The following IRX3 variants were observed in gnomAD, a reference collection of about 807,000 sequenced individuals.
IRX3 encodes the protein iroquois-class homeodomain protein IRX-3.
Under a neutral mutation model 36.4 loss-of-function variants are expected in IRX3, and 20 were observed. That is an observed-to-expected ratio of 0.55 (90% confidence interval 0.39 to 0.80). The LOEUF is 0.80. Among genes scored for constraint, IRX3 ranks in the 30% least tolerant of loss-of-function variants. The pLI is 0.00. For synonymous variants in IRX3, 404 were observed against 351.6 expected (o/e 1.15, Z -1.67); for missense variants, 718 against 733.2 (o/e 0.98, Z 0.24).
rs773005122 is a variant in IRX3 at position 54,285,347 on chromosome 16, G to C, written c.534C>G (p.Phe178Leu). ...TCTTGAGGCGCCGGCGCGCGTTGGC[G>C]AACCAGGTGGACACCTGGGTGAGGG... Reference protein sequence around the residue: ...KMTLTQVSTWFANARRRLKKE... With the variant: ...KMTLTQVSTWLANARRRLKKE... The change falls in exon 2 of 4, where the codon TTC becomes TTG. Residue 178 changes from phenylalanine to leucine, a missense_variant. Coordinates refer to ENST00000329734, the MANE Select transcript of IRX3 (RefSeq NM_024336.3). The surrounding 1 kb of genome is among the most constrained non-coding windows in gnomAD (Gnocchi z 5.7). 6.2e-7 allele frequency: 1 copy of C among 1,614,208 alleles called. No homozygotes were observed.
In IRX3 at chr16:54,283,724, C is replaced by G. The variant is rs1901233703; in HGVS notation, c.1468G>C (p.Asp490His). 6.5e-7 allele frequency: 1 copy of G among 1,547,124 alleles called. No homozygotes were observed. Among genetic ancestry groups the G allele is most frequent in the South Asian group, 1.1e-5 (1 of 89,696 alleles). Residue 490 changes from aspartate (D) to histidine (H), a missense_variant, in exon 4 of 4, where the codon GAC (aspartate) becomes CAC (histidine). Coordinates refer to ENST00000329734, the MANE Select transcript of IRX3 (RefSeq NM_024336.3). The surrounding 1 kb of genome is among the most constrained non-coding windows in gnomAD (Gnocchi z 4.4). ...PVPRRPQNHL[D>H]AALVLSALSS... ...AGAGCCGATAAGACCAGGGCGGCGT[C>G]CAGATGGTTCTGGGGCCTGGAAGAG... is the stretch of plus-strand genomic sequence containing the variant.
chr16:54,283,445 C>T lies in IRX3; in HGVS notation c.*241G>A. 2 of 450,002 alleles carry T rather than the reference C, an allele frequency of 4.4e-6. No homozygotes were observed. Among genetic ancestry groups the T allele is most frequent in the South Asian group, 2.6e-5 (1 of 38,252 alleles). The allele number at this position is 450,002 out of a possible 1,614,324, so 27.9% of individuals were successfully genotyped here. On this transcript the variant is annotated 3_prime_UTR_variant, in exon 4 of 4. Coordinates refer to ENST00000329734, the MANE Select transcript of IRX3 (RefSeq NM_024336.3). The surrounding 1 kb of genome is among the most constrained non-coding windows in gnomAD (Gnocchi z 4.4). ...ACGTTTATTCTCACTGAAACTCCAC[C>T]CCCCAAAATCAACCGGACAAACAAA...
Position 54,283,679 on chromosome 16 carries a change from T to A in IRX3, c.*7A>T, listed in dbSNP as rs1394038164. 1.7e-5 allele frequency: 22 copies of A among 1,265,470 alleles called. No homozygotes were observed. Among genetic ancestry groups the A allele is most frequent in the Admixed American group, 5.4e-5 (3 of 55,472 alleles). 78.4% of individuals were successfully genotyped at this position (1,265,470 alleles called of 1,614,324 possible). A position where few individuals can be genotyped will look rare whatever the true frequency, so the allele number is the denominator to read the frequency against. ...GTTTTTTTTGTTTTTTTGTTTTTTT[T>A]AAAGAACTAGGATGAGGAGAGAGCC... On this transcript the variant is annotated 3_prime_UTR_variant, in exon 4 of 4. Coordinates refer to ENST00000329734, the MANE Select transcript of IRX3 (RefSeq NM_024336.3). This position sits in a 1 kb window ranked among gnomAD's most constrained non-coding sequence, Gnocchi z 4.4.
Position 54,283,398 on chromosome 16 carries a change from A to C in IRX3, c.*288T>G, listed in dbSNP as rs1442485232. ...CACATATGTACATTTCTCTGTATATATACACACACACAAAGGCAGACACGT... is the reference window on the plus strand; with the variant it reads ...CACATATGTACATTTCTCTGTATATCTACACACACACAAAGGCAGACACGT... On this transcript the variant is annotated 3_prime_UTR_variant, in exon 4 of 4. Coordinates refer to ENST00000329734, the MANE Select transcript of IRX3 (RefSeq NM_024336.3). The surrounding 1 kb of genome is among the most constrained non-coding windows in gnomAD (Gnocchi z 4.4). 1 of 357,486 alleles carries C rather than the reference A, an allele frequency of 2.8e-6. No homozygotes were observed. Among genetic ancestry groups the C allele is most frequent in the African/African-American group, 2.1e-5 (1 of 48,516 alleles). 22.1% of individuals were successfully genotyped at this position (357,486 alleles called of 1,614,324 possible). A position where few individuals can be genotyped will look rare whatever the true frequency, so the allele number is the denominator to read the frequency against.
rs900680954 is a variant in IRX3 at position 54,283,643 on chromosome 16, G to C, written c.*43C>G. On this transcript the variant is annotated 3_prime_UTR_variant, in exon 4 of 4. Coordinates refer to ENST00000329734, the MANE Select transcript of IRX3 (RefSeq NM_024336.3). This position sits in a 1 kb window ranked among gnomAD's most constrained non-coding sequence, Gnocchi z 4.4. ...ATTTTTTTTATACAATTATTACAACGATTAAAAAAAGTTTTTTTTGTTTTT... is the reference window on the plus strand; with the variant it reads ...ATTTTTTTTATACAATTATTACAACCATTAAAAAAAGTTTTTTTTGTTTTT... 1 of 912,106 alleles carries C rather than the reference G, an allele frequency of 1.1e-6. No homozygotes were observed. The highest frequency in any genetic ancestry group is 1.7e-5 in the African/African-American group (1 of 59,454). 56.5% of individuals were successfully genotyped at this position (912,106 alleles called of 1,614,324 possible).
In IRX3 at chr16:54,283,980, G is replaced by GC. The variant is rs1453216967; in HGVS notation, c.1452-241dup. 3.9e-5 allele frequency: 56 copies of GC among 1,437,444 alleles called. No individual in the cohort carries two copies. The African/African-American group carries it at 7.6e-4, about 19-fold the overall frequency. The allele number at this position is 1,437,444 out of a possible 1,614,324, so 89.0% of individuals were successfully genotyped here. ...CAGAGAACCGCCACCCGCCCCAGGG[G>GC]CCTGTGGGCCCAGCCACGCAAGGCT... On this transcript the variant is annotated intron_variant, in intron 3 of 3. Coordinates refer to ENST00000329734, the MANE Select transcript of IRX3 (RefSeq NM_024336.3). The surrounding 1 kb of genome is among the most constrained non-coding windows in gnomAD (Gnocchi z 4.4).
Position 54,283,851 on chromosome 16 carries a change from A to G in IRX3, c.1452-111T>C. Reference sequence around the variant, plus strand: ...GGGCCGATCGTCAGGAAGGTGTCGCAATGTAAAATTATGTCCAGTTGTAGA... The same window carrying G: ...GGGCCGATCGTCAGGAAGGTGTCGCGATGTAAAATTATGTCCAGTTGTAGA... On this transcript the variant is annotated intron_variant, in intron 3 of 3. Transcript: ENST00000329734. The surrounding 1 kb of genome is among the most constrained non-coding windows in gnomAD (Gnocchi z 4.4). 1 of 1,551,660 alleles carries G rather than the reference A, an allele frequency of 6.4e-7. No individual in the cohort carries two copies. Among genetic ancestry groups the G allele is most frequent in the Admixed American group, 2.0e-5 (1 of 49,472 alleles).
Position 54,285,084 on chromosome 16 carries a change from G to T in IRX3, c.797C>A (p.Pro266His), listed in dbSNP as rs60493962. 1 of 1,613,848 alleles carries T rather than the reference G, an allele frequency of 6.2e-7. No homozygotes were observed. The highest frequency in any genetic ancestry group is 1.7e-5 in the Admixed American group (1 of 60,008). The change falls in exon 2 of 4, where the codon CCT (proline) becomes CAT (histidine). Residue 266 changes from proline to histidine, a missense_variant. Physicochemically the swap from Pro to His is moderately conservative, Grantham distance 77. This residue lies in a region of IRX3 where 468 missense variants were observed against 462.1 expected (regional missense o/e 1.01). Transcript: ENST00000329734. This position sits in a 1 kb window ranked among gnomAD's most constrained non-coding sequence, Gnocchi z 5.7. ...CGCCGCCCCAGCCAGGGACAGCTCA[G>T]GCTCGGTGGCCGCGCCGTCTAAGTT... The part of the protein sequence containing the change: ...LENLDGAATE[P>H]ELSLAGAARR...
rs753184124 is a variant in IRX3 at position 54,285,643 on chromosome 16, G to C, written c.268-30C>G. 13 of 1,485,706 alleles carry C rather than the reference G, an allele frequency of 8.8e-6. No homozygotes were observed. In the East Asian group the frequency reaches 1.2e-4, roughly 14 times the overall value. The allele number at this position is 1,485,706 out of a possible 1,614,324, so 92.0% of individuals were successfully genotyped here. ...ACGCACATGGAGAAGGAAGGGACAC[G>C]CGCGGAGGGAGCGCGAGTGAGCCCC... On this transcript the variant is annotated intron_variant, in intron 1 of 3. Coordinates refer to ENST00000329734, the MANE Select transcript of IRX3 (RefSeq NM_024336.3). The surrounding 1 kb of genome is among the most constrained non-coding windows in gnomAD (Gnocchi z 5.7).
chr16:54,284,445 G>C lies in IRX3; in HGVS notation c.1384+52C>G, dbSNP rs962269374. The stretch of plus-strand genomic sequence containing the variant: ...GGCCCTGCCCCTCCCGGCCAGCTCC[G>C]GCACTACCCGCAGAGCCCGCCCCCG... On this transcript the variant is annotated intron_variant, in intron 2 of 3. Transcript: ENST00000329734. This position sits in a 1 kb window ranked among gnomAD's most constrained non-coding sequence, Gnocchi z 4.0. The C allele has an allele frequency of 1.2e-5, 17 of 1,400,952 alleles. No homozygotes were observed. Among genetic ancestry groups the C allele is most frequent in the South Asian group, 1.6e-5 (1 of 62,388 alleles). The allele number at this position is 1,400,952 out of a possible 1,614,324, so 86.8% of individuals were successfully genotyped here. A position where few individuals can be genotyped will look rare whatever the true frequency, so the allele number is the denominator to read the frequency against.
rs1464755318 is a variant in IRX3, at chr16:54,285,774, G to C, written c.267+10C>G. ...CCAACCCCTCCTTCCCTGGCTCCGC[G>C]GGCTCTTACCAGCTGCGGGAAGATG... On this transcript the variant is annotated intron_variant, in intron 1 of 3. Transcript: ENST00000329734. This position sits in a 1 kb window ranked among gnomAD's most constrained non-coding sequence, Gnocchi z 5.7. The C allele has an allele frequency of 1.3e-6, 2 of 1,535,104 alleles. No individual in the cohort carries two copies. Among genetic ancestry groups the C allele is most frequent in the Admixed American group, 2.1e-5 (1 of 47,274 alleles).
Position 54,285,898 on chromosome 16 carries a change from G to A in IRX3, c.153C>T (p.Asn51=). 6.5e-7 allele frequency: 1 copy of A among 1,533,276 alleles called. No individual in the cohort carries two copies. The highest frequency in any genetic ancestry group is 8.8e-7 in the Non-Finnish European group (1 of 1,140,862). The allele number at this position is 1,533,276 out of a possible 1,614,324, so 95.0% of individuals were successfully genotyped here. ...SELNASGSLS[N]VLSSVYGAPY... Reference sequence around the variant, plus strand: ...GCGCCCCGTACACGGACGAGAGCACGTTGGACAGGGACCCCGAGGCGTTCA... The same window carrying A: ...GCGCCCCGTACACGGACGAGAGCACATTGGACAGGGACCCCGAGGCGTTCA... Residue 51 remains asparagine, a synonymous_variant, in exon 1 of 4, where the codon AAC becomes AAT. Coordinates refer to ENST00000329734, the MANE Select transcript of IRX3 (RefSeq NM_024336.3). The surrounding 1 kb of genome is among the most constrained non-coding windows in gnomAD (Gnocchi z 5.7).
chr16:54,284,853 G>C lies in IRX3; in HGVS notation c.1028C>G (p.Ala343Gly). The change falls in exon 2 of 4, where the codon GCC (alanine) becomes GGC (glycine). Residue 343 changes from alanine (A) to glycine (G), a missense_variant. Physicochemically the swap from Ala to Gly is moderately conservative, Grantham distance 60. Coordinates refer to ENST00000329734, the MANE Select transcript of IRX3 (RefSeq NM_024336.3). This position sits in a 1 kb window ranked among gnomAD's most constrained non-coding sequence, Gnocchi z 4.0. ...PCAPAPAPAS[A>G]LQKPKIWSLA... ...GGACCAGATCTTGGGCTTCTGCAGG[G>C]CGGAGGCGGGGGCTGGTGCGGGAGC... 6.5e-7 allele frequency: 1 copy of C among 1,545,050 alleles called. No individual in the cohort carries two copies. Among genetic ancestry groups the C allele is most frequent in the Non-Finnish European group, 8.7e-7 (1 of 1,148,614 alleles).
At position 54,285,063 on chromosome 16, in the gene IRX3, GC is replaced by G; in HGVS notation, c.817del (p.Ala273ArgfsTer8). 6.2e-7 allele frequency: 1 copy of G among 1,613,446 alleles called. No individual in the cohort carries two copies. The highest frequency in any genetic ancestry group is 8.5e-7 in the Non-Finnish European group (1 of 1,179,802). On this transcript the variant is annotated frameshift_variant, in exon 2 of 4. Coordinates refer to ENST00000329734, the MANE Select transcript of IRX3 (RefSeq NM_024336.3). LOFTEE classifies it high-confidence loss of function. This position sits in a 1 kb window ranked among gnomAD's most constrained non-coding sequence, Gnocchi z 5.7. ...ATEPELSLAG[A>X]ARRDGDLGLG... The stretch of plus-strand genomic sequence containing the variant: ...GCCTAGGTCGCCATCCCTGCGCGCC[GC>G]CCCAGCCAGGGACAGCTCAGGCTCG...
At position 54,284,259 on chromosome 16, in the gene IRX3, G is replaced by T. The variant is rs1443433119; in HGVS notation, c.1438C>A (p.Pro480Thr). The T allele has an allele frequency of 3.1e-6, 5 of 1,612,298 alleles. No individual in the cohort carries two copies. The highest frequency in any genetic ancestry group is 4.2e-6 in the Non-Finnish European group (5 of 1,179,102). The change falls in exon 3 of 4, where the codon CCC becomes ACC. Residue 480 changes from proline (P) to threonine (T), a missense_variant. Transcript: ENST00000329734. The surrounding 1 kb of genome is among the most constrained non-coding windows in gnomAD (Gnocchi z 4.0). Reference protein sequence around the residue: ...EKKLLKTAFQPVPRRPQNHLD... With the variant: ...EKKLLKTAFQTVPRRPQNHLD... ...GGGGTTTCTTACCGCCTGGGCACGG[G>T]CTGGAAAGCTGTCTTGAGTAACTTT...
In IRX3 at chr16:54,286,361, C is replaced by T; in HGVS notation, c.-311G>A. 1 of 987,662 alleles carries T rather than the reference C, an allele frequency of 1.0e-6. No individual in the cohort carries two copies. Among genetic ancestry groups the T allele is most frequent in the South Asian group, 4.7e-5 (1 of 21,322 alleles). The allele number at this position is 987,662 out of a possible 1,614,324, so 61.2% of individuals were successfully genotyped here. ...GCGCCGCGCTCCCTCCTCTCGGCCG[C>T]CGGAGCTGCCTCTGCCCGCTCCTCG... On this transcript the variant is annotated 5_prime_UTR_variant, in exon 1 of 4. Transcript: ENST00000329734.
Position 54,286,747 on chromosome 16 carries a change from A to G in IRX3, c.-697T>C, listed in dbSNP as rs1447721463. The G allele has an allele frequency of 6.6e-6, 1 of 151,572 alleles. No homozygotes were observed. The highest frequency in any genetic ancestry group is 6.6e-5 in the Admixed American group (1 of 15,228). The allele number at this position is 151,572 out of a possible 1,614,324, so 9.4% of individuals were successfully genotyped here. A position where few individuals can be genotyped will look rare whatever the true frequency, so the allele number is the denominator to read the frequency against. On this transcript the variant is annotated 5_prime_UTR_variant, in exon 1 of 4. Coordinates refer to ENST00000329734, the MANE Select transcript of IRX3 (RefSeq NM_024336.3). ...AGTAAGGCAGCCAAAAGTTGTGGAC[A>G]CTTAGGGTGCCGCGCGGGGGGTGTG... is the stretch of plus-strand genomic sequence containing the variant.
chr16:54,286,336 G>T lies in IRX3; in HGVS notation c.-286C>A. 1.0e-6 allele frequency: 1 copy of T among 990,092 alleles called. No individual in the cohort carries two copies. Among genetic ancestry groups the T allele is most frequent in the Non-Finnish European group, 1.2e-6 (1 of 833,352 alleles). 61.3% of individuals were successfully genotyped at this position (990,092 alleles called of 1,614,324 possible). ...TACGGGGCGCAAGCCCCTCCTCTCT[G>T]CGCCGCGCTCCCTCCTCTCGGCCGC... On this transcript the variant is annotated 5_prime_UTR_variant, in exon 1 of 4. Transcript: ENST00000329734.
In IRX3 at chr16:54,283,952, C is replaced by G; in HGVS notation, c.1452-212G>C. 1 of 985,338 alleles carries G rather than the reference C, an allele frequency of 1.0e-6. No homozygotes were observed. Among genetic ancestry groups the G allele is most frequent in the East Asian group, 1.1e-4 (1 of 8,800 alleles). The allele number at this position is 985,338 out of a possible 1,614,324, so 61.0% of individuals were successfully genotyped here. A position where few individuals can be genotyped will look rare whatever the true frequency, so the allele number is the denominator to read the frequency against. ...AGGTCTGGGGCTGGAAAGAGGTGGG[C>G]GTCAGAGAACCGCCACCCGCCCCAG... On this transcript the variant is annotated intron_variant, in intron 3 of 3. Transcript: ENST00000329734. The surrounding 1 kb of genome is among the most constrained non-coding windows in gnomAD (Gnocchi z 4.4).
Sources: gnomAD v4.1 joint callset for allele counts on GRCh38, gnomAD v4.1.1 for gene constraint, gnomAD v4.1.1 regional missense constraint, Gnocchi (gnomAD v3.1) non-coding constraint, MANE v1.5 for transcripts, NCBI Gene and HGNC (gene_info 2026-07-23, HGNC 2026-07-21) for gene names.